The following COL24A1 variants were observed in gnomAD, a reference collection of about 807,000 sequenced individuals.
COL24A1 encodes collagen type XXIV alpha 1 chain.
Under a neutral mutation model 253.9 loss-of-function variants are expected in COL24A1, and 224 were observed. The observed-to-expected ratio is 0.88, with a 90% CI of 0.79 to 0.99. The LOEUF (loss-of-function observed/expected upper bound fraction) is 0.99, where lower values mean the gene tolerates loss of function less well. COL24A1 is among the 50% of genes least tolerant of loss of function. The pLI, the probability that COL24A1 is intolerant of heterozygous loss-of-function variation, is 0.00. For synonymous variants in COL24A1, 685 were observed against 673.7 expected (o/e 1.02, Z -0.26); for missense variants, 2,131 against 2,068.5 (o/e 1.03, Z -0.59).
chr1:85,995,985 C>T (rs1694755159), intron 19 of COL24A1, among the ~76,000 whole-genome samples: 1 of 152,170 alleles, frequency 6.6e-6, no homozygotes, highest in Non-Finnish European at 1.5e-5. Context: ...ATAAATTACT[C>T]AGTCTCAGGT....
Position 85,871,138 on chromosome 1 carries a change from A to G in COL24A1, c.3139-2303T>C, listed in dbSNP as rs190065262. On this transcript the variant is annotated intron_variant, in intron 35 of 59. Transcript: ENST00000370571. Reference sequence around the variant, plus strand: ...TCCTGGACACACACACCCTCCCAAGACTAAGCCAGGAAGAAGTTGAATCCC... The same window carrying G: ...TCCTGGACACACACACCCTCCCAAGGCTAAGCCAGGAAGAAGTTGAATCCC... 2.0e-5 allele frequency among the ~76,000 whole-genome samples: 3 copies of G among 152,320 alleles called. No homozygotes were observed. The East Asian group carries it at 5.8e-4, about 29-fold the overall frequency.
At chr1:86,044,548 T>C (rs995588107) in intron 12 of COL24A1, among the ~76,000 whole-genome samples, 8 of 152,158 alleles carry the variant, frequency 5.3e-5, no homozygotes, top group Non-Finnish European at 1.2e-4. Flanking sequence ...CTATTACAAA[T>C]GCATATATTT....
chr1:85,730,160 A>G lies in COL24A1; in HGVS notation c.*386T>C, dbSNP rs1264712075. On this transcript the variant is annotated 3_prime_UTR_variant, in exon 60 of 60. Transcript: ENST00000370571. Reference sequence around the variant, plus strand: ...TTAGACTGTGGCTTGTAATTTTTAGACAGAAGCAGTGCACATCTGGAAGCA... The same window carrying G: ...TTAGACTGTGGCTTGTAATTTTTAGGCAGAAGCAGTGCACATCTGGAAGCA... The G allele has an allele frequency of 6.4e-6, 1 of 156,324 alleles. No homozygotes were observed. The highest frequency in any genetic ancestry group is 1.4e-5 in the Non-Finnish European group (1 of 70,338). 9.7% of individuals were successfully genotyped at this position (156,324 alleles called of 1,614,324 possible).
chr1:86,002,385 A>T (rs1356008668), intron 19 of COL24A1, among the ~76,000 whole-genome samples: 1 of 152,254 alleles, frequency 6.6e-6, no homozygotes, highest in African/African-American at 2.4e-5. Flanking sequence ...ATGTAGTATC[A>T]TTGCTAGAGA....
intron 30 of COL24A1, 57 bp downstream of exon 30, chr1:85,895,964 G>GA: frequency 6.3e-7 from 1 of 1,597,964 alleles, no homozygotes. Flanking sequence ...ATCATACTAA[G>GA]AAAAACAAAA....
chr1:85,906,188 G>A (rs1284532744), intron 28 of COL24A1, among the ~76,000 whole-genome samples: 1 of 143,468 alleles, frequency 7.0e-6, no homozygotes, highest in Non-Finnish European at 1.5e-5. Context: ...CACAGGATAT[G>A]ACTTTGAAGT....
At chr1:85,838,679 A>T (rs1288357944) in intron 42 of COL24A1, 41 bp from the exon 43 acceptor site, 1 of 1,574,776 alleles carries the variant, frequency 6.4e-7, no homozygotes, top group East Asian at 2.2e-5. Flanking sequence ...TTACAGCTGG[A>T]TCAAAGTATA....
At chr1:86,102,935 T>C (rs537416272) in intron 5 of COL24A1, among the ~76,000 whole-genome samples, 150 of 152,302 alleles carry the variant, frequency 9.8e-4, no homozygotes, top group African/African-American at 3.5e-3. Flanking sequence ...AATATCTTTG[T>C]TAATTTTCTG....
intron 32 of COL24A1, among the ~76,000 whole-genome samples, chr1:85,880,001 A>C (rs1571050541): frequency 6.6e-6 from 1 of 152,202 alleles, no homozygotes; most frequent in South Asian, 2.1e-4. Context: ...TGTATTGGCT[A>C]TTCTGGGTCT....
chr1:85,919,917 C>T (rs1259260444), intron 24 of COL24A1, among the ~76,000 whole-genome samples: 1 of 152,176 alleles, frequency 6.6e-6, no homozygotes, highest in African/African-American at 2.4e-5. Flanking sequence ...ACTGTGAAAT[C>T]TAACTCAATT....
intron 24 of COL24A1, among the ~76,000 whole-genome samples, chr1:85,914,908 G>A (rs556270352): frequency 6.6e-6 from 1 of 152,256 alleles, no homozygotes; most frequent in Admixed American, 6.5e-5. Flanking sequence ...TCTTATTATT[G>A]TCTTTATTTG....
intron 22 of COL24A1, among the ~76,000 whole-genome samples, chr1:85,967,288 A>G (rs961782389): frequency 6.6e-6 from 1 of 152,228 alleles, no homozygotes; most frequent in Non-Finnish European, 1.5e-5. Flanking sequence ...GAAGAAACAG[A>G]AAGTATAAAG....
chr1:85,830,646 C>T (rs759717010), intron 43 of COL24A1, among the ~76,000 whole-genome samples: 4 of 152,106 alleles, frequency 2.6e-5, no homozygotes, highest in Non-Finnish European at 4.4e-5. Context: ...TAAAGCCCGT[C>T]GGAAAAGCGC....
At chr1:85,858,621 C>CTCCCTCCCTCCTTCCTTCCTTCCT (rs1347863094) in intron 37 of COL24A1, among the ~76,000 whole-genome samples, 3 of 113,270 alleles carry the variant, frequency 2.6e-5, no homozygotes, top group Non-Finnish European at 5.8e-5. Context: ...TATTTTCTCC[C>CTCCCTCCCTCCTTCCTTCCTTCCT]TCCTTCCTTC....
At chr1:85,967,728 C>A (rs1469085656) in intron 22 of COL24A1, among the ~76,000 whole-genome samples, 2 of 152,118 alleles carry the variant, frequency 1.3e-5, no homozygotes, top group Non-Finnish European at 2.9e-5. Context: ...TCATAAAGAT[C>A]ACGCAACCTA....
chr1:85,914,658 T>G (rs1266445808), intron 24 of COL24A1, among the ~76,000 whole-genome samples: 1 of 152,214 alleles, frequency 6.6e-6, no homozygotes, highest in Non-Finnish European at 1.5e-5. Context: ...CCCAAAGTAT[T>G]GGGATTACAG....
At chr1:85,943,753 T>C (rs1478998191) in intron 24 of COL24A1, among the ~76,000 whole-genome samples, 2 of 152,300 alleles carry the variant, frequency 1.3e-5, no homozygotes, top group East Asian at 1.9e-4. Context: ...GAAGTGAAAA[T>C]GCAGGTTGAA....
chr1:85,999,906 A>G (rs558004990), intron 19 of COL24A1, among the ~76,000 whole-genome samples: 175 of 152,310 alleles, frequency 1.1e-3, no homozygotes, highest in African/African-American at 2.5e-3. Flanking sequence ...TAACCACTGA[A>G]TATGCTGCCT....
intron 23 of COL24A1, 82 bp from the exon 24 acceptor site, chr1:85,961,375 A>G (rs930333980): frequency 7.6e-5 from 87 of 1,137,696 alleles, no homozygotes; most frequent in Non-Finnish European, 1.1e-4. Context: ...TTCCTTTTTA[A>G]TGTAATTATC....
Sources: allele counts gnomAD v4.1 joint callset (sites outside exome capture counted in the v4.1 genomes callset), GRCh38; gene constraint gnomAD v4.1.1; transcripts MANE v1.5; gene names NCBI Gene and HGNC (gene_info 2026-07-23, HGNC 2026-07-21).